MTUS1: variants seen among roughly 807,000 people sequenced by gnomAD.
MTUS1 encodes microtubule-associated tumor suppressor 1.
In MTUS1, 109 loss-of-function variants were observed where a neutral mutation model predicts 120.8. That is an observed-to-expected ratio of 0.90 (90% CI 0.77 to 1.06). The LOEUF (loss-of-function observed/expected upper bound fraction) is 1.06. MTUS1 is among the 50% of genes least tolerant of loss of function. MTUS1 has a pLI of 0.00. For synonymous variants in MTUS1, 737 were observed against 550.5 expected, an observed-to-expected ratio of 1.34 and a Z score of -4.74; for missense variants, 2,210 against 1,486.3, an observed-to-expected ratio of 1.49 and a Z score of -8.01.
intron 2 of MTUS1, among the ~76,000 whole-genome samples, chr8:17,747,172 G>A (rs578242166): frequency 6.6e-6 from 1 of 152,154 alleles, no homozygotes; most frequent in African/African-American, 2.4e-5. Flanking sequence ...GGAAGCCCCT[G>A]CCATCCTCTT....
At chr8:17,706,039 A>C (rs1820091786) in intron 6 of MTUS1, 1 of 152,140 alleles carries the variant, frequency 6.6e-6, no homozygotes. Context: ...AATAAATTAC[A>C]ACAGTTAGAC....
intron 7 of MTUS1, chr8:17,681,599 TA>T (rs1814520486): frequency 6.5e-6 from 1 of 154,826 alleles, no homozygotes; most frequent in Non-Finnish European, 1.5e-5. Flanking sequence ...GGTGCAAAAG[TA>T]ACTGTAGCTT....
At chr8:17,660,448 G>C (rs766631292) in intron 8 of MTUS1, among the ~76,000 whole-genome samples, 1 of 152,146 alleles carries the variant, frequency 6.6e-6, no homozygotes, top group Non-Finnish European at 1.5e-5. Context: ...ACGGACACTT[G>C]GGTTGCCTCC....
rs1183114716 is a variant in MTUS1 at position 17,797,664 on chromosome 8, C to G, written c.-155+3397G>C. The stretch of plus-strand genomic sequence containing the variant: ...ACTGTATCCGCTGCTAAGTGGTCAC[C>G]TCCCTCCGGGGCCTGCCTTCTTCCA... On this transcript the variant is annotated intron_variant, in intron 1 of 14. Coordinates refer to ENST00000693296, the MANE Select transcript of MTUS1 (RefSeq NM_001363059.2). Among the ~76,000 whole-genome samples the G allele has an allele frequency of 2.0e-5, 3 of 152,084 alleles. No individual in the cohort carries two copies. The East Asian group carries it at 5.8e-4, about 29-fold the overall frequency.
chr8:17,680,020 T>C (rs1814018826), intron 7 of MTUS1, among the ~76,000 whole-genome samples: 1 of 152,202 alleles, frequency 6.6e-6, no homozygotes, highest in African/African-American at 2.4e-5. Flanking sequence ...ATGCAGATCC[T>C]GCCTTCAGTA....
intron 6 of MTUS1, among the ~76,000 whole-genome samples, chr8:17,709,953 G>C (rs1820954780): frequency 6.6e-6 from 1 of 151,902 alleles, no homozygotes; most frequent in East Asian, 1.9e-4. Flanking sequence ...CTTGCAGCGA[G>C]CAGAGATCAT....
intron 7 of MTUS1, among the ~76,000 whole-genome samples, chr8:17,683,006 C>A (rs374136302): frequency 2.0e-5 from 3 of 152,242 alleles, no homozygotes; most frequent in Non-Finnish European, 4.4e-5. Flanking sequence ...GGCGCAGTGG[C>A]GCATGCCTGT....
intron 6 of MTUS1, among the ~76,000 whole-genome samples, chr8:17,698,508 T>C (rs1021343397): frequency 3.3e-5 from 5 of 152,230 alleles, no homozygotes; most frequent in Non-Finnish European, 5.9e-5. Flanking sequence ...AAAAATGTTA[T>C]AAACAAAACA....
At chr8:17,794,022 T>C (rs1319757859) in intron 1 of MTUS1, among the ~76,000 whole-genome samples, 2 of 152,068 alleles carry the variant, frequency 1.3e-5, no homozygotes, top group South Asian at 4.1e-4. Flanking sequence ...CAAAAATGGC[T>C]GAGGCTGAGG....
chr8:17,736,583 A>T (rs567791044), intron 3 of MTUS1, among the ~76,000 whole-genome samples: 5 of 150,408 alleles, frequency 3.3e-5, no homozygotes, highest in Non-Finnish European at 2.9e-5. Context: ...ATTTTATTTT[A>T]TTTTTTGCTT....
intron 6 of MTUS1, among the ~76,000 whole-genome samples, chr8:17,702,435 A>C (rs1242333680): frequency 6.6e-6 from 1 of 152,078 alleles, no homozygotes; most frequent in Non-Finnish European, 1.5e-5. Context: ...TTCTCAACAA[A>C]ATTTTAAAAG....
chr8:17,758,010 C>A (rs1318701556), intron 1 of MTUS1: 5 of 151,564 alleles, frequency 3.3e-5, no homozygotes, highest in Non-Finnish European at 5.9e-5. Context: ...CAAACAGATA[C>A]GCACACACTT....
At chr8:17,770,488 C>T (rs886708815) in intron 1 of MTUS1, 1 of 152,174 alleles carries the variant, frequency 6.6e-6, no homozygotes, top group East Asian at 1.9e-4. Context: ...ATGTCTTATT[C>T]GAGTTATCTG....
At chr8:17,671,072 G>T (rs972208900) in intron 8 of MTUS1, among the ~76,000 whole-genome samples, 1 of 152,084 alleles carries the variant, frequency 6.6e-6, no homozygotes, top group Non-Finnish European at 1.5e-5. Context: ...GTAGGTTTTA[G>T]GAGTATATGT....
At chr8:17,767,625 G>A (rs1215564184) in intron 1 of MTUS1, among the ~76,000 whole-genome samples, 1 of 150,168 alleles carries the variant, frequency 6.7e-6, no homozygotes, top group Non-Finnish European at 1.5e-5. Context: ...CCTGAGCCCA[G>A]GATTTCGAGG....
intron 6 of MTUS1, among the ~76,000 whole-genome samples, chr8:17,689,079 C>T (rs2130811180): frequency 6.6e-6 from 1 of 152,240 alleles, no homozygotes; most frequent in South Asian, 2.1e-4. Flanking sequence ...GGTGTGGTGG[C>T]ACCTGCCTGT....
intron 1 of MTUS1, among the ~76,000 whole-genome samples, chr8:17,772,131 CA>C (rs1280889675): frequency 6.6e-6 from 1 of 152,122 alleles, no homozygotes; most frequent in Non-Finnish European, 1.5e-5. Context: ...TGAAAGAAAG[CA>C]AAATACAAGT....
chr8:17,659,247 G>C (rs959783169), intron 8 of MTUS1, among the ~76,000 whole-genome samples: 1 of 152,110 alleles, frequency 6.6e-6, no homozygotes, highest in Non-Finnish European at 1.5e-5. Context: ...CGCATGATGG[G>C]GCCTCTACTG....
chr8:17,777,229 G>A (rs187322436), intron 1 of MTUS1, among the ~76,000 whole-genome samples: 255 of 152,218 alleles, frequency 1.7e-3, no homozygotes, highest in Non-Finnish European at 1.3e-3. Context: ...CTGAGGTCAT[G>A]AGTTCGAGAC....
Sources: gnomAD v4.1 joint callset for allele counts (sites outside exome capture counted in the v4.1 genomes callset) on GRCh38, gnomAD v4.1.1 for gene constraint, MANE v1.5 for transcripts, NCBI Gene and HGNC (gene_info 2026-07-23, HGNC 2026-07-21) for gene names.